The following ELAVL4 variants were observed in gnomAD, a reference collection of about 807,000 sequenced individuals.
ELAVL4 encodes ELAV like RNA binding protein 4.
A neutral mutation model predicts 35.6 loss-of-function variants in ELAVL4; 1 was observed. That is an observed-to-expected ratio of 0.03 (90% confidence interval 0.01 to 0.13). ELAVL4 has a LOEUF of 0.13. ELAVL4 is among the 10% of genes least tolerant of loss of function. The pLI, the probability that ELAVL4 is intolerant of heterozygous loss-of-function variation, is 1.00. For synonymous variants in ELAVL4, 156 were observed against 171.0 expected, an observed-to-expected ratio of 0.91 and a Z score of 0.69; for missense variants, 267 against 464.9, an observed-to-expected ratio of 0.57 and a Z score of 3.91.
chr1:50,103,842 G>A, upstream of ELAVL4: 1 of 1,495,900 alleles, frequency 6.7e-7, no homozygotes, highest in South Asian at 1.3e-5. Context: ...AGGTAATCCA[G>A]ACAGCCGGAA....
chr1:50,170,861 GA>G (rs1330779691), intron 2 of ELAVL4, among the ~76,000 whole-genome samples: 1 of 152,080 alleles, frequency 6.6e-6, no homozygotes, highest in African/African-American at 2.4e-5. Context: ...AACAAGACCT[GA>G]TTTCTTAATA....
At chr1:50,048,102 C>T (rs543563980) in exon 1 of ELAVL4, 3 of 1,455,134 alleles carry the variant, frequency 2.1e-6, no homozygotes, top group East Asian at 2.8e-5. Context: ...GACGTCTTCC[C>T]GCCCGCCGCG....
At chr1:50,183,001 G>A (rs1389556099) in intron 3 of ELAVL4, among the ~76,000 whole-genome samples, 5 of 151,874 alleles carry the variant, frequency 3.3e-5, no homozygotes, top group Non-Finnish European at 5.9e-5. Context: ...GGGATTACAG[G>A]CACCTGCCAC....
chr1:50,053,981 G>A (rs1442429156), intron 1 of ELAVL4, among the ~76,000 whole-genome samples: 3 of 152,184 alleles, frequency 2.0e-5, no homozygotes, highest in Non-Finnish European at 4.4e-5. Flanking sequence ...GTTATAAGCA[G>A]AGGGAACAGC....
intron 2 of ELAVL4, among the ~76,000 whole-genome samples, chr1:50,162,056 G>T (rs1246147438): frequency 6.6e-6 from 1 of 152,150 alleles, no homozygotes; most frequent in African/African-American, 2.4e-5. Context: ...TCTATTAAAG[G>T]CCTGTATGGG....
chr1:50,124,179 T>G (rs1231902221), intron 1 of ELAVL4, among the ~76,000 whole-genome samples: 1 of 152,134 alleles, frequency 6.6e-6, no homozygotes, highest in Non-Finnish European at 1.5e-5. Context: ...TCTGTAACTT[T>G]GAGCTGAAGA....
chr1:50,133,572 A>AAG (rs1196627702), intron 1 of ELAVL4, among the ~76,000 whole-genome samples: 1 of 149,724 alleles, frequency 6.7e-6, no homozygotes, highest in Non-Finnish European at 1.5e-5. Flanking sequence ...AAAAGAAAGA[A>AAG]AGAGAGAGAG....
chr1:50,120,376 T>C (rs569843167), intron 1 of ELAVL4, among the ~76,000 whole-genome samples: 1 of 152,108 alleles, frequency 6.6e-6, no homozygotes, highest in African/African-American at 2.4e-5. Context: ...GATGGGAACT[T>C]ACAAGGCCTA....
At chr1:50,101,291 G>A (rs1665963930), upstream of ELAVL4, among the ~76,000 whole-genome samples, 2 of 152,222 alleles carry the variant, frequency 1.3e-5, no homozygotes, top group South Asian at 4.1e-4. Flanking sequence ...GTTTAAAAGA[G>A]GAAAAACGGG....
chr1:50,118,310 T>C (rs1260302604), intron 1 of ELAVL4, among the ~76,000 whole-genome samples: 1 of 152,060 alleles, frequency 6.6e-6, no homozygotes, highest in Non-Finnish European at 1.5e-5. Context: ...GTGAAGAGGT[T>C]GAGGCAAAAA....
At chr1:50,150,794 G>T (rs1353179585) in intron 2 of ELAVL4, among the ~76,000 whole-genome samples, 1 of 152,150 alleles carries the variant, frequency 6.6e-6, no homozygotes, top group African/African-American at 2.4e-5. Context: ...CTCCCAAAAT[G>T]TGAATTCAGC....
intron 2 of ELAVL4, among the ~76,000 whole-genome samples, chr1:50,163,318 A>T (rs1220424915): frequency 6.6e-6 from 1 of 152,192 alleles, no homozygotes; most frequent in East Asian, 1.9e-4. Context: ...CTACTAGATC[A>T]TGAGCTCCTT....
At chr1:50,181,841 G>T (rs544496255) in intron 3 of ELAVL4, among the ~76,000 whole-genome samples, 11 of 152,076 alleles carry the variant, frequency 7.2e-5, no homozygotes, top group Non-Finnish European at 1.6e-4. Context: ...GCACTACCAC[G>T]CCCGGCTAAT....
At chr1:50,153,255 G>GA (rs1232428920) in intron 2 of ELAVL4, among the ~76,000 whole-genome samples, 1 of 152,168 alleles carries the variant, frequency 6.6e-6, no homozygotes, top group Non-Finnish European at 1.5e-5. Context: ...GAAGGATGGT[G>GA]AAAAAGGATT....
intron 1 of ELAVL4, among the ~76,000 whole-genome samples, chr1:50,053,016 G>A (rs1035885405): frequency 1.3e-5 from 2 of 152,110 alleles, no homozygotes; most frequent in Non-Finnish European, 2.9e-5. Context: ...AATTTTATTA[G>A]TATAATAACA....
chr1:50,125,604 G>A, intron 1 of ELAVL4, among the ~76,000 whole-genome samples: 1 of 151,926 alleles, frequency 6.6e-6, no homozygotes, highest in East Asian at 1.9e-4. Flanking sequence ...AGAGGCCAGG[G>A]GTCCCAGCCT....
intron 1 of ELAVL4, among the ~76,000 whole-genome samples, chr1:50,084,809 G>A (rs907065629): frequency 6.6e-6 from 1 of 151,964 alleles, no homozygotes; most frequent in Non-Finnish European, 1.5e-5. Flanking sequence ...TCTCACATAG[G>A]TCCTGTTTTC....
Position 50,201,679 on chromosome 1 carries a change from T to A in ELAVL4, c.*501T>A, listed in dbSNP as rs1644400151. 1 of 151,942 alleles carries A rather than the reference T, an allele frequency of 6.6e-6. No individual in the cohort carries two copies. The highest frequency in any genetic ancestry group is 2.4e-5 in the African/African-American group (1 of 41,420). The allele number at this position is 151,942 out of a possible 1,614,324, so 9.4% of individuals were successfully genotyped here. On this transcript the variant is annotated 3_prime_UTR_variant, in exon 7 of 7. Transcript: ENST00000371824. This position sits in a 1 kb window ranked among gnomAD's most constrained non-coding sequence, Gnocchi z 4.3. Reference sequence around the variant, plus strand: ...TGTCAAAATATCGATCCAATCAGATTGGTAAAAACCCCCACACAAATTAAA... The same window carrying A: ...TGTCAAAATATCGATCCAATCAGATAGGTAAAAACCCCCACACAAATTAAA...
chr1:50,120,962 G>A (rs143199545), intron 1 of ELAVL4, among the ~76,000 whole-genome samples: 9 of 152,134 alleles, frequency 5.9e-5, no homozygotes, highest in South Asian at 4.2e-4. Flanking sequence ...GCAAGTACAC[G>A]TACCAAAGCA....
Sources: gnomAD v4.1 joint callset for allele counts (sites outside exome capture counted in the v4.1 genomes callset) on GRCh38, gnomAD v4.1.1 for gene constraint, Gnocchi (gnomAD v3.1) non-coding constraint, MANE v1.5 for transcripts, NCBI Gene and HGNC (gene_info 2026-07-23, HGNC 2026-07-21) for gene names.